DAB1: variants seen among roughly 807,000 people sequenced by gnomAD.
The protein encoded by DAB1 is disabled homolog 1.
In DAB1, 15 loss-of-function variants were observed where a neutral mutation model predicts 64.6. That is an observed-to-expected ratio of 0.23 (90% CI 0.16 to 0.36). The LOEUF is 0.36. Ranked by LOEUF, DAB1 falls within the 10% of genes least tolerant of loss-of-function variation. The pLI, the probability that DAB1 is intolerant of heterozygous loss-of-function variation, is 1.00. For missense variants in DAB1, 596 were observed against 706.7 expected (o/e 0.84, Z 1.78); for synonymous variants, 235 against 251.9 (o/e 0.93, Z 0.64).
At chr1:57,154,329 A>G (rs1001576088) in intron 2 of DAB1, among the ~76,000 whole-genome samples, 2 of 152,180 alleles carry the variant, frequency 1.3e-5, no homozygotes, top group African/African-American at 2.4e-5. Context: ...ACTTAACCTA[A>G]TGATCTCCAG....
At chr1:57,964,450 C>T (rs953362793) in intron 5 of DAB1, among the ~76,000 whole-genome samples, 1 of 152,118 alleles carries the variant, frequency 6.6e-6, no homozygotes, top group African/African-American at 2.4e-5. Context: ...GATAACTGAG[C>T]ATCAGAAAGC....
At chr1:57,259,157 G>A (rs1669987169) in intron 2 of DAB1, among the ~76,000 whole-genome samples, 1 of 152,100 alleles carries the variant, frequency 6.6e-6, no homozygotes, top group South Asian at 2.1e-4. Flanking sequence ...TCTATCCTTT[G>A]GTCTCTGCCT....
chr1:57,065,352 T>A (rs1650799988), intron 8 of DAB1, among the ~76,000 whole-genome samples: 1 of 152,206 alleles, frequency 6.6e-6, no homozygotes, highest in African/African-American at 2.4e-5. Context: ...GGGACAGTGA[T>A]GGTGAACATG....
chr1:57,161,518 C>T (rs559148514), intron 2 of DAB1, among the ~76,000 whole-genome samples: 4 of 152,238 alleles, frequency 2.6e-5, no homozygotes, highest in East Asian at 3.9e-4. Context: ...AACTTGCTTC[C>T]CTTTGGCTAA....
At chr1:57,840,286 A>G (rs1652991524) in intron 1 of DAB1, among the ~76,000 whole-genome samples, 2 of 152,188 alleles carry the variant, frequency 1.3e-5, no homozygotes, top group Non-Finnish European at 2.9e-5. Flanking sequence ...CAGAAGGAAT[A>G]TCTGAGCTAA....
chr1:57,309,631 CAGA>C (rs1192769512), intron 1 of DAB1, among the ~76,000 whole-genome samples: 1 of 152,086 alleles, frequency 6.6e-6, no homozygotes, highest in Non-Finnish European at 1.5e-5. Flanking sequence ...AACTCAGACA[CAGA>C]AGAAGTAACT....
intron 6 of DAB1, among the ~76,000 whole-genome samples, chr1:57,812,167 C>T (rs112999000): frequency 0.018 from 2,723 of 151,618 alleles, 88 homozygotes; most frequent in African/African-American, 0.063. Context: ...GGAGAAGGTG[C>T]CAGTATAAAA....
intron 5 of DAB1, among the ~76,000 whole-genome samples, chr1:58,120,182 A>C (rs1652653919): frequency 6.6e-6 from 1 of 152,148 alleles, no homozygotes; most frequent in African/African-American, 2.4e-5. Context: ...AGACTCTCTG[A>C]GTCACGATTT....
At chr1:58,020,421 A>G (rs1416922472) in intron 5 of DAB1, among the ~76,000 whole-genome samples, 4 of 152,212 alleles carry the variant, frequency 2.6e-5, no homozygotes, top group Non-Finnish European at 2.9e-5. Flanking sequence ...CTTCCTCACT[A>G]AACAATAAGC....
chr1:57,614,963 C>T (rs1020395471), intron 7 of DAB1, among the ~76,000 whole-genome samples: 12 of 148,876 alleles, frequency 8.1e-5, no homozygotes, highest in African/African-American at 1.7e-4. Context: ...CTCCCTCTCC[C>T]GGGTTCACGC....
At chr1:58,382,674 A>G (rs773074374) in intron 3 of DAB1, among the ~76,000 whole-genome samples, 5 of 152,208 alleles carry the variant, frequency 3.3e-5, no homozygotes, top group Admixed American at 2.6e-4. Flanking sequence ...GTAAACTGCT[A>G]TAGACTTTAA....
intron 5 of DAB1, among the ~76,000 whole-genome samples, chr1:57,991,039 C>CTCTGTATGAT (rs1646330267): frequency 1.3e-5 from 2 of 152,118 alleles, no homozygotes; most frequent in Non-Finnish European, 2.9e-5. Flanking sequence ...ATGATGCCAT[C>CTCTGTATGAT]GTCAATTCTC....
At chr1:57,118,594 A>G (rs1656356284) in intron 4 of DAB1, among the ~76,000 whole-genome samples, 1 of 152,216 alleles carries the variant, frequency 6.6e-6, no homozygotes, top group South Asian at 2.1e-4. Flanking sequence ...GAAGTTGTAG[A>G]ATGAATTTAC....
At chr1:57,658,865 C>T (rs1207199155) in intron 6 of DAB1, among the ~76,000 whole-genome samples, 1 of 152,188 alleles carries the variant, frequency 6.6e-6, no homozygotes, top group African/African-American at 2.4e-5. Context: ...TGCGCCCAGC[C>T]TCTTTGCTTT....
chr1:57,113,483 T>C (rs571182537), intron 4 of DAB1, among the ~76,000 whole-genome samples: 2 of 152,280 alleles, frequency 1.3e-5, no homozygotes, highest in African/African-American at 4.8e-5. Context: ...TTTCTTCTGC[T>C]TTGTGGACCA....
intron 2 of DAB1, among the ~76,000 whole-genome samples, chr1:57,179,731 AATAC>A (rs1177894102): frequency 6.6e-6 from 1 of 152,200 alleles, no homozygotes; most frequent in Non-Finnish European, 1.5e-5. Flanking sequence ...TTTTTAAAAA[AATAC>A]ATACTAGAAA....
chr1:57,622,481 A>G (rs1382868478), intron 7 of DAB1, among the ~76,000 whole-genome samples: 2 of 152,224 alleles, frequency 1.3e-5, no homozygotes, highest in African/African-American at 4.8e-5. Context: ...ATAATAACTG[A>G]CTTAATGATA....
chr1:58,000,564 C>CTTTTT lies in DAB1; in HGVS notation n.388-116407_388-116403dup, dbSNP rs869176789. ...TATTCTCTCTTCTCCTCTTTTTTGC[C>CTTTTT]TTTTTTTTTTTTTTTTTTTTTTTTG... On this transcript the variant is annotated intron_variant and non_coding_transcript_variant, in intron 5 of 20. Transcript: ENST00000485760. 1.3e-3 allele frequency among the ~76,000 whole-genome samples: 122 copies of CTTTTT among 95,738 alleles called. 1 individual carries two copies. Among genetic ancestry groups the CTTTTT allele is most frequent in the African/African-American group, 2.0e-3 (50 of 24,624 alleles). The allele number at this position is 95,738 out of a possible 152,430, so 62.8% of individuals were successfully genotyped here.
intron 8 of DAB1, among the ~76,000 whole-genome samples, chr1:57,066,434 A>C (rs1650919989): frequency 6.6e-6 from 1 of 152,184 alleles, no homozygotes; most frequent in Non-Finnish European, 1.5e-5. Flanking sequence ...ACAGCCGATA[A>C]CTTTTTCTGA....
Sources: gnomAD v4.1 joint callset for allele counts (sites outside exome capture counted in the v4.1 genomes callset) on GRCh38, gnomAD v4.1.1 for gene constraint, MANE v1.5 for transcripts, NCBI Gene and HGNC (gene_info 2026-07-23, HGNC 2026-07-21) for gene names.